The following CCDC102B variants were observed in gnomAD, a reference collection of about 807,000 sequenced individuals.
The protein encoded by CCDC102B is coiled-coil domain-containing protein 102B.
CCDC102B carries 75 observed loss-of-function variants against 57.4 expected under a neutral mutation model. The observed-to-expected ratio is 1.31, with a 90% confidence interval of 1.08 to 1.58. The LOEUF (loss-of-function observed/expected upper bound fraction) is 1.58. Ranked by LOEUF, CCDC102B falls within the 40% of genes most tolerant of loss-of-function variation. The probability of loss-of-function intolerance (pLI) is 0.00; values close to 1 mark genes in which losing one functional copy is unlikely to be tolerated. For synonymous variants in CCDC102B, 206 were observed against 201.9 expected (o/e 1.02, Z -0.17); for missense variants, 636 against 582.6 (o/e 1.09, Z -0.94).
intron 6 of CCDC102B, among the ~76,000 whole-genome samples, chr18:68,925,325 G>A (rs1347491992): frequency 6.6e-6 from 1 of 151,910 alleles, no homozygotes; most frequent in Non-Finnish European, 1.5e-5. Flanking sequence ...TTGCTGTGAT[G>A]GTATCAGCAC....
chr18:68,838,559 G>C, intron 2 of CCDC102B, 147 bp from the exon 3 acceptor site: 3 of 1,430,378 alleles, frequency 2.1e-6, no homozygotes, highest in Non-Finnish European at 1.8e-6. Context: ...AAGTAAGTGT[G>C]GCCACACAAC....
chr18:68,951,681 A>G (rs1331278464), intron 6 of CCDC102B, among the ~76,000 whole-genome samples: 2 of 151,888 alleles, frequency 1.3e-5, no homozygotes, highest in Non-Finnish European at 2.9e-5. Flanking sequence ...GGTGTCACAC[A>G]TCTTTAATCT....
In CCDC102B at chr18:68,874,214, A is replaced by G. The variant is rs9965054; in HGVS notation, c.937-455A>G. On this transcript the variant is annotated intron_variant, in intron 4 of 7. Transcript: ENST00000360242. ...TGTGTGTGTGTGTGTGTGTGTGTGTATATATATATACTTTATTTCCATTGC... is the reference window on the plus strand; with the variant it reads ...TGTGTGTGTGTGTGTGTGTGTGTGTGTATATATATACTTTATTTCCATTGC... Among the ~76,000 whole-genome samples the G allele has an allele frequency of 3.2e-3, 225 of 70,744 alleles. 2 individuals are homozygous for G. Among genetic ancestry groups the G allele is most frequent in the African/African-American group, 5.9e-3 (148 of 25,052 alleles). The allele number at this position is 70,744 out of a possible 152,430, so 46.4% of individuals were successfully genotyped here. A position where few individuals can be genotyped will look rare whatever the true frequency, so the allele number is the denominator to read the frequency against.
At chr18:68,917,580 CCTT>C (rs1457022436) in intron 6 of CCDC102B, among the ~76,000 whole-genome samples, 1 of 152,152 alleles carries the variant, frequency 6.6e-6, no homozygotes, top group African/African-American at 2.4e-5. Flanking sequence ...ATTAAAGTAT[CCTT>C]CTATCTTGTA....
At position 68,915,446 on chromosome 18, in the gene CCDC102B, G is replaced by A. The variant is rs561312840; in HGVS notation, c.1263+18018G>A. On this transcript the variant is annotated intron_variant, in intron 6 of 7. Coordinates refer to ENST00000360242, the MANE Select transcript of CCDC102B (RefSeq NM_024781.3). ...ATGGTTTATTTGGCACAATTTGGGT[G>A]AATGTAGTTGAGATGCTTTTTACCC... Among the ~76,000 whole-genome samples the A allele has an allele frequency of 2.6e-5, 4 of 152,296 alleles. No homozygotes were observed. The South Asian group carries it at 8.3e-4, about 32-fold the overall frequency.
intron 7 of CCDC102B, among the ~76,000 whole-genome samples, chr18:69,024,590 C>G (rs1412172227): frequency 6.6e-6 from 1 of 151,912 alleles, no homozygotes; most frequent in East Asian, 1.9e-4. Context: ...TATGTTAGCA[C>G]AAATTATCAA....
intron 1 of CCDC102B, among the ~76,000 whole-genome samples, chr18:68,814,436 T>A (rs1201642470): frequency 6.6e-6 from 1 of 152,142 alleles, no homozygotes; most frequent in Non-Finnish European, 1.5e-5. Context: ...TAATTAACAC[T>A]TCTTCCTTCA....
At chr18:68,830,899 G>A (rs1361735476) in intron 1 of CCDC102B, among the ~76,000 whole-genome samples, 1 of 151,908 alleles carries the variant, frequency 6.6e-6, no homozygotes, top group Non-Finnish European at 1.5e-5. Context: ...AAGTTGATCA[G>A]CCTGCCAGAA....
intron 7 of CCDC102B, among the ~76,000 whole-genome samples, chr18:69,028,227 A>G: frequency 6.6e-6 from 1 of 152,180 alleles, no homozygotes; most frequent in South Asian, 2.1e-4. Context: ...TCTAAGGATA[A>G]ATAGACTTTA....
intron 2 of CCDC102B, among the ~76,000 whole-genome samples, chr18:68,779,238 C>T (rs915163718): frequency 6.6e-6 from 1 of 152,038 alleles, no homozygotes; most frequent in Non-Finnish European, 1.5e-5. Flanking sequence ...GCTGACAGAG[C>T]AGCAGGAAAT....
At chr18:68,895,142 T>C (rs1051058172) in intron 5 of CCDC102B, among the ~76,000 whole-genome samples, 2 of 151,784 alleles carry the variant, frequency 1.3e-5, no homozygotes, top group East Asian at 3.9e-4. Flanking sequence ...TAATGGCAGG[T>C]ACTAAATTAA....
intron 2 of CCDC102B, among the ~76,000 whole-genome samples, chr18:68,739,249 G>A (rs1288934641): frequency 6.6e-6 from 1 of 152,156 alleles, no homozygotes; most frequent in African/African-American, 2.4e-5. Flanking sequence ...GCCCAACTTG[G>A]CCTCCTAAAG....
intron 1 of CCDC102B, among the ~76,000 whole-genome samples, chr18:68,831,551 G>A (rs1354110041): frequency 6.6e-6 from 1 of 152,114 alleles, no homozygotes; most frequent in African/African-American, 2.4e-5. Flanking sequence ...TTATTGGCAA[G>A]TTGTTCAGAT....
intron 1 of CCDC102B, among the ~76,000 whole-genome samples, chr18:68,815,506 T>A (rs551408233): frequency 6.6e-6 from 1 of 152,210 alleles, no homozygotes; most frequent in Non-Finnish European, 1.5e-5. Flanking sequence ...AAGAAGCTTA[T>A]AGACTGGCAT....
chr18:68,787,807 GT>G (rs1456977061), intron 2 of CCDC102B, among the ~76,000 whole-genome samples: 3 of 151,938 alleles, frequency 2.0e-5, no homozygotes, highest in Non-Finnish European at 4.4e-5. Flanking sequence ...TTTTTGAAGG[GT>G]TTTTTATGTC....
chr18:68,764,914 G>T (rs1177571393), intron 2 of CCDC102B, among the ~76,000 whole-genome samples: 1 of 151,652 alleles, frequency 6.6e-6, no homozygotes, highest in East Asian at 1.9e-4. Flanking sequence ...GGGCGTGGTG[G>T]CACGGATCTG....
chr18:68,929,129 A>C (rs1447952599), intron 6 of CCDC102B, among the ~76,000 whole-genome samples: 1 of 151,918 alleles, frequency 6.6e-6, no homozygotes, highest in African/African-American at 2.4e-5. Flanking sequence ...TGTAAAGGAC[A>C]CTGAATGGAT....
chr18:68,889,125 T>G (rs2039987202), intron 5 of CCDC102B, among the ~76,000 whole-genome samples: 1 of 152,066 alleles, frequency 6.6e-6, no homozygotes, highest in African/African-American at 2.4e-5. Flanking sequence ...TCTAGTATGG[T>G]CTGAACACTT....
At chr18:69,039,439 TA>T (rs2052375709) in intron 7 of CCDC102B, among the ~76,000 whole-genome samples, 1 of 152,112 alleles carries the variant, frequency 6.6e-6, no homozygotes, top group Admixed American at 6.6e-5. Context: ...TATCATAGGT[TA>T]CTTACTAAAA....
Sources: allele counts gnomAD v4.1 joint callset (sites outside exome capture counted in the v4.1 genomes callset), GRCh38; gene constraint gnomAD v4.1.1; transcripts MANE v1.5; gene names NCBI Gene and HGNC (gene_info 2026-07-23, HGNC 2026-07-21).